PCDH15: variants seen among roughly 807,000 people sequenced by gnomAD.
The protein encoded by PCDH15 is protocadherin related 15.
A neutral mutation model predicts 178.5 loss-of-function variants in PCDH15; 129 were observed. That is an observed-to-expected ratio of 0.72 (90% CI 0.63 to 0.84). The LOEUF (loss-of-function observed/expected upper bound fraction) is 0.84. Ranked by LOEUF, PCDH15 falls within the 40% of genes least tolerant of loss-of-function variation. The pLI is 0.00. For missense variants in PCDH15, 2,230 were observed against 2,099.9 expected (o/e 1.06, Z -1.21); for synonymous variants, 800 against 732.0 (o/e 1.09, Z -1.50).
At chr10:54,299,638 T>G (rs373884988) in intron 8 of PCDH15, among the ~76,000 whole-genome samples, 9 of 152,164 alleles carry the variant, frequency 5.9e-5, no homozygotes, top group African/African-American at 1.9e-4. Flanking sequence ...TACAAAGGTC[T>G]GACCAGATCT....
At chr10:54,695,850 A>G (rs773263587) in intron 1 of PCDH15, among the ~76,000 whole-genome samples, 2 of 151,870 alleles carry the variant, frequency 1.3e-5, no homozygotes, top group African/African-American at 2.4e-5. Flanking sequence ...GGGGCTTCAA[A>G]TGAATATTTA....
chr10:55,547,423 G>A (rs1432046545), intron 2 of PCDH15, among the ~76,000 whole-genome samples: 2 of 152,110 alleles, frequency 1.3e-5, no homozygotes, highest in Non-Finnish European at 2.9e-5. Context: ...TTGGATCTGA[G>A]TAAGGCAGGA....
chr10:55,051,828 G>C (rs575183812), intron 2 of PCDH15, among the ~76,000 whole-genome samples: 1 of 152,122 alleles, frequency 6.6e-6, no homozygotes, highest in Non-Finnish European at 1.5e-5. Context: ...TTAGTAATAA[G>C]AGAAATTTAA....
chr10:53,947,797 A>G (rs1249061051), intron 23 of PCDH15, among the ~76,000 whole-genome samples: 1 of 152,194 alleles, frequency 6.6e-6, no homozygotes, highest in Non-Finnish European at 1.5e-5. Flanking sequence ...TGTCACTAAG[A>G]GTTTTGCTTC....
chr10:54,346,953 G>T (rs1943394661), intron 5 of PCDH15, among the ~76,000 whole-genome samples: 1 of 152,206 alleles, frequency 6.6e-6, no homozygotes, highest in African/African-American at 2.4e-5. Flanking sequence ...TGGAGACAAT[G>T]AATAGTCTGT....
intron 2 of PCDH15, among the ~76,000 whole-genome samples, chr10:55,568,251 A>G (rs1468014653): frequency 6.6e-6 from 1 of 152,032 alleles, no homozygotes; most frequent in Non-Finnish European, 1.5e-5. Flanking sequence ...ATGCTAATAT[A>G]TGCTACAACA....
In PCDH15 at chr10:54,293,507, A is replaced by T. The variant is rs1024273016; in HGVS notation, c.876+23764T>A. Among the ~76,000 whole-genome samples, 19 of 152,332 alleles carry T rather than the reference A, an allele frequency of 1.2e-4. No individual in the cohort carries two copies. The East Asian group carries it at 1.4e-3, about 11-fold the overall frequency. ...TAAAGAGCTTCTGCACAGCAAAAGA[A>T]ACTACCATCAGAGTGAACAGGCAAC... is the stretch of plus-strand genomic sequence containing the variant. On this transcript the variant is annotated intron_variant, in intron 8 of 37. Transcript: ENST00000644397.
At chr10:54,436,129 AAG>A (rs1040233434) in intron 3 of PCDH15, among the ~76,000 whole-genome samples, 4 of 149,774 alleles carry the variant, frequency 2.7e-5, no homozygotes, top group Admixed American at 2.0e-4. Flanking sequence ...GAAAGAAAGA[AAG>A]AAAAAGAAAG....
At chr10:54,043,598 A>C (rs2093596725) in intron 18 of PCDH15, among the ~76,000 whole-genome samples, 1 of 152,108 alleles carries the variant, frequency 6.6e-6, no homozygotes, top group Middle Eastern at 3.4e-3. Flanking sequence ...CATGTTGCTC[A>C]GGCTGGTCTC....
intron 2 of PCDH15, among the ~76,000 whole-genome samples, chr10:55,146,804 A>C (rs549834869): frequency 4.6e-5 from 7 of 151,872 alleles, no homozygotes; most frequent in Non-Finnish European, 1.0e-4. Flanking sequence ...TGACTAAAAA[A>C]CTACAAATAA....
At chr10:54,705,871 T>A (rs988098472) in intron 1 of PCDH15, among the ~76,000 whole-genome samples, 1 of 152,172 alleles carries the variant, frequency 6.6e-6, no homozygotes, top group Admixed American at 6.6e-5. Context: ...AGGTATCTGA[T>A]GATGGATTTT....
chr10:54,865,419 AC>A (rs2131786323), intron 3 of PCDH15, among the ~76,000 whole-genome samples: 1 of 152,310 alleles, frequency 6.6e-6, no homozygotes, highest in African/African-American at 2.4e-5. Context: ...CAGCTTTTGT[AC>A]TTTTGAGGAT....
intron 2 of PCDH15, among the ~76,000 whole-genome samples, chr10:55,554,872 TC>T (rs1842061792): frequency 6.6e-6 from 1 of 152,082 alleles, no homozygotes; most frequent in South Asian, 2.1e-4. Context: ...TTGGCATTCC[TC>T]TTTTTGATGA....
At chr10:55,485,727 A>G (rs981351520) in intron 2 of PCDH15, among the ~76,000 whole-genome samples, 18 of 151,782 alleles carry the variant, frequency 1.2e-4, no homozygotes, top group Admixed American at 4.6e-4. Flanking sequence ...GAAAAACCAT[A>G]TGGAGGTTCC....
chr10:55,605,352 T>G (rs1479063600), intron 2 of PCDH15, among the ~76,000 whole-genome samples: 1 of 151,956 alleles, frequency 6.6e-6, no homozygotes, highest in Non-Finnish European at 1.5e-5. Context: ...TCTGAAACTA[T>G]TCCAATCAAT....
chr10:54,415,538 A>G (rs1478706733), intron 3 of PCDH15, among the ~76,000 whole-genome samples: 1 of 152,128 alleles, frequency 6.6e-6, no homozygotes, highest in Non-Finnish European at 1.5e-5. Flanking sequence ...ATTATTTGAA[A>G]GTAATTTAGA....
At chr10:54,479,016 A>AG (rs200735667) in intron 3 of PCDH15, among the ~76,000 whole-genome samples, 43 of 151,886 alleles carry the variant, frequency 2.8e-4, no homozygotes, top group African/African-American at 9.6e-4. Flanking sequence ...AAAAAAAAAA[A>AG]AAAGAAAGAA....
At chr10:55,600,074 G>T (rs972327831) in intron 2 of PCDH15, 8 of 772,242 alleles carry the variant, frequency 1.0e-5, no homozygotes, top group Non-Finnish European at 1.5e-5. Context: ...TAAAAATTTT[G>T]GTTGGGGTGG....
At chr10:55,472,033 G>A (rs991050873) in intron 2 of PCDH15, among the ~76,000 whole-genome samples, 2 of 152,138 alleles carry the variant, frequency 1.3e-5, no homozygotes, top group Admixed American at 6.5e-5. Flanking sequence ...GGCTACAATA[G>A]GGTTTCTCAG....
Sources: allele counts gnomAD v4.1 joint callset (sites outside exome capture counted in the v4.1 genomes callset), GRCh38; gene constraint gnomAD v4.1.1; transcripts MANE v1.5; gene names NCBI Gene and HGNC (gene_info 2026-07-23, HGNC 2026-07-21).